The following MDN1 variants were observed in gnomAD, a reference collection of about 807,000 sequenced individuals.
MDN1 encodes midasin.
In MDN1, 266 loss-of-function variants were observed where a neutral mutation model predicts 669.2. That is an observed-to-expected ratio of 0.40 (90% CI 0.36 to 0.44). The LOEUF (loss-of-function observed/expected upper bound fraction) is 0.44. Ranked by LOEUF, MDN1 falls within the 20% of genes least tolerant of loss-of-function variation. The pLI is 1.00. For synonymous variants in MDN1, 2,385 were observed against 2,457.1 expected (o/e 0.97, Z 0.87); for missense variants, 5,940 against 6,754.0 (o/e 0.88, Z 4.22).
chr6:89,653,079 A>T lies in MDN1; in HGVS notation c.15738T>A (p.His5246Gln), dbSNP rs1483830299. ...EDQDPRTDKAHKETENEKPER... is the reference protein window; with the variant it reads ...EDQDPRTDKAQKETENEKPER... ...CTGGTTTCTCATTTTCTGTCTCCTT[A>T]TGGGCTTTGTCTGTTCTGGGGTCTT... The change falls in exon 94 of 102, where the codon CAT becomes CAA. Residue 5246 changes from histidine to glutamine, a missense_variant. Transcript: ENST00000369393. 4 of 1,614,048 alleles carry T rather than the reference A, an allele frequency of 2.5e-6. No individual in the cohort carries two copies. The highest frequency in any genetic ancestry group is 2.2e-5 in the East Asian group (1 of 44,866).
chr6:89,793,210 T>A (rs901278168), intron 5 of MDN1, among the ~76,000 whole-genome samples: 3 of 152,178 alleles, frequency 2.0e-5, no homozygotes, highest in African/African-American at 7.2e-5. Flanking sequence ...CTGCTGGGAG[T>A]CATCTCTAGA....
At chr6:89,745,971 C>T (rs1816593402) in intron 27 of MDN1, among the ~76,000 whole-genome samples, 1 of 151,800 alleles carries the variant, frequency 6.6e-6, no homozygotes, top group Non-Finnish European at 1.5e-5. Context: ...TGGATTACCA[C>T]ATAAAAAGAA....
At chr6:89,701,868 A>C (rs1252965768) in intron 54 of MDN1, 36 bp downstream of exon 54, 1 of 1,589,794 alleles carries the variant, frequency 6.3e-7, no homozygotes, top group Non-Finnish European at 8.6e-7. Flanking sequence ...ATCTATCTGT[A>C]ATCATTGACA....
In MDN1 at chr6:89,699,627, G is replaced by T. The variant is rs1330517155; in HGVS notation, c.8971C>A (p.Leu2991Met). 6.2e-7 allele frequency: 1 copy of T among 1,613,982 alleles called. No individual in the cohort carries two copies. Among genetic ancestry groups the T allele is most frequent in the Admixed American group, 1.7e-5 (1 of 59,992 alleles). Reference protein sequence around the residue: ...TPVTPQELRDLWSLLHHQKVS... With the variant: ...TPVTPQELRDMWSLLHHQKVS... ...TTCTGATGATGCAGCAAGGACCACA[G>T]ATCTCGAAGCTCTTGAGGTGTAACA... Residue 2991 changes from leucine (L) to methionine (M), a missense_variant, in exon 58 of 102, where the codon CTG (leucine) becomes ATG (methionine). By Grantham distance (15) the Leu-to-Met change is conservative (BLOSUM62 2). This residue lies in a region of MDN1 where 2,292 missense variants were observed against 2,638.3 expected (regional missense o/e 0.87). Coordinates refer to ENST00000369393, the MANE Select transcript of MDN1 (RefSeq NM_014611.3).
intron 32 of MDN1, among the ~76,000 whole-genome samples, chr6:89,739,877 A>G (rs989736062): frequency 2.0e-5 from 3 of 152,232 alleles, no homozygotes; most frequent in Admixed American, 6.5e-5. Context: ...CTGTAAAAAC[A>G]GAGGTTAAAC....
In MDN1 at chr6:89,684,857, T is replaced by C. The variant is rs199839286; in HGVS notation, c.11829+19A>G. 5.5e-5 allele frequency: 82 copies of C among 1,483,668 alleles called. No individual in the cohort carries two copies. The East Asian group carries it at 1.8e-3, about 33-fold the overall frequency. The allele number at this position is 1,483,668 out of a possible 1,614,324, so 91.9% of individuals were successfully genotyped here. On this transcript the variant is annotated intron_variant, in intron 71 of 101. Coordinates refer to ENST00000369393, the MANE Select transcript of MDN1 (RefSeq NM_014611.3). ...GATTTTGTCCTCCCAAGAGTGATCATGACAGCTGTTCATCTTACTTTAAGT... is the reference window on the plus strand; with the variant it reads ...GATTTTGTCCTCCCAAGAGTGATCACGACAGCTGTTCATCTTACTTTAAGT...
chr6:89,688,882 C>T, intron 65 of MDN1, 74 bp from the exon 66 acceptor site: 4 of 1,251,776 alleles, frequency 3.2e-6, no homozygotes, highest in Non-Finnish European at 3.4e-6. Flanking sequence ...AAGATGTCAG[C>T]AACAGGGCCA....
At chr6:89,753,934 A>T in intron 21 of MDN1, 149 bp downstream of exon 21, 1 of 636,324 alleles carries the variant, frequency 1.6e-6, no homozygotes, top group Non-Finnish European at 2.3e-6. Context: ...TATTTAATTT[A>T]AAAGGGCAAG....
At chr6:89,743,052 A>G in intron 31 of MDN1, 98 bp downstream of exon 31, 1 of 1,451,550 alleles carries the variant, frequency 6.9e-7, no homozygotes, top group Admixed American at 2.0e-5. Context: ...ACGGCACTGC[A>G]GCCTGGGGTG....
chr6:89,766,766 T>C (rs1017066773), intron 15 of MDN1, among the ~76,000 whole-genome samples: 5 of 152,216 alleles, frequency 3.3e-5, no homozygotes, highest in African/African-American at 1.2e-4. Flanking sequence ...GCCATTTCTC[T>C]TCATGTCATG....
chr6:89,789,934 T>C (rs1350172786), intron 6 of MDN1, 23 bp from the exon 7 acceptor site: 5 of 1,605,636 alleles, frequency 3.1e-6, no homozygotes, highest in Admixed American at 3.5e-5. Context: ...GATAAAGTAA[T>C]TACTGAAAAA....
chr6:89,712,228 C>T lies in MDN1; in HGVS notation c.7459G>A (p.Glu2487Lys). 6.2e-7 allele frequency: 1 copy of T among 1,614,000 alleles called. No homozygotes were observed. The highest frequency in any genetic ancestry group is 8.5e-7 in the Non-Finnish European group (1 of 1,179,974). The change falls in exon 49 of 102, where the codon GAG becomes AAG. Residue 2487 changes from glutamate to lysine, a missense_variant. Transcript: ENST00000369393. Reference sequence around the variant, plus strand: ...GGGCTGGGGGACTGCATAATTTTCTCTAAGTCTTGCAAGGTAAAAGGCTGA... The same window carrying T: ...GGGCTGGGGGACTGCATAATTTTCTTTAAGTCTTGCAAGGTAAAAGGCTGA... ...RSQPFTLQDL[E>K]KIMQSPSPEN... is the part of the protein sequence containing the mutation.
intron 15 of MDN1, among the ~76,000 whole-genome samples, chr6:89,765,880 T>C (rs1000298499): frequency 6.6e-6 from 1 of 152,246 alleles, no homozygotes; most frequent in Non-Finnish European, 1.5e-5. Context: ...TGGCACATAA[T>C]GACTGCCACA....
chr6:89,714,518 A>G (rs1418348904), intron 46 of MDN1, 25 bp downstream of exon 46: 4 of 1,543,750 alleles, frequency 2.6e-6, no homozygotes, highest in Non-Finnish European at 3.5e-6. Context: ...AAACTCTGCA[A>G]AGGCCCAAAA....
At chr6:89,776,490 A>T (rs1818362213) in intron 12 of MDN1, 110 bp downstream of exon 12, 2 of 731,770 alleles carry the variant, frequency 2.7e-6, no homozygotes, top group Non-Finnish European at 4.4e-6. Context: ...CTTTTACAAA[A>T]GAGGTACCAC....
chr6:89,749,448 T>C, intron 25 of MDN1, 79 bp from the exon 26 acceptor site: 3 of 1,593,922 alleles, frequency 1.9e-6, no homozygotes, highest in Non-Finnish European at 2.6e-6. Flanking sequence ...CACCATAAAA[T>C]ATTAAAGGAG....
At chr6:89,701,769 C>A in intron 54 of MDN1, 91 bp from the exon 55 acceptor site, 1 of 1,525,100 alleles carries the variant, frequency 6.6e-7, no homozygotes. Flanking sequence ...TTCTTTCTTT[C>A]TTTTAATTGT....
rs1816846948 is a variant in MDN1 at position 89,749,602 on chromosome 6, G to A, written c.3556C>T (p.His1186Tyr). ...VTETQEVVKA[H>Y]PRFMLFATQN... Reference sequence around the variant, plus strand: ...GTGGCAAAAAGCATAAACCGAGGGTGTGCTTTAACAACTTCCTGTGTTTCT... The same window carrying A: ...GTGGCAAAAAGCATAAACCGAGGGTATGCTTTAACAACTTCCTGTGTTTCT... The change falls in exon 25 of 102, where the codon CAC becomes TAC. Residue 1186 changes from histidine to tyrosine, a missense_variant. Physicochemically the swap from His to Tyr is moderately conservative, Grantham distance 83. This residue lies in a region of MDN1 where 2,292 missense variants were observed against 2,638.3 expected (regional missense o/e 0.87). Transcript: ENST00000369393. 29 of 1,614,070 alleles carry A rather than the reference G, an allele frequency of 1.8e-5. No individual in the cohort carries two copies. The highest frequency in any genetic ancestry group is 2.3e-5 in the Non-Finnish European group (27 of 1,180,042).
chr6:89,727,214 G>C (rs1166068224), intron 37 of MDN1, among the ~76,000 whole-genome samples: 1 of 152,134 alleles, frequency 6.6e-6, no homozygotes, highest in Non-Finnish European at 1.5e-5. Context: ...GAACCTGGGG[G>C]ACCTGTTGCA....
Sources: gnomAD v4.1 joint callset for allele counts (sites outside exome capture counted in the v4.1 genomes callset) on GRCh38, gnomAD v4.1.1 for gene constraint, gnomAD v4.1.1 regional missense constraint, MANE v1.5 for transcripts, NCBI Gene and HGNC (gene_info 2026-07-23, HGNC 2026-07-21) for gene names.